The following ADGRD1 variants were observed in gnomAD, a reference collection of about 807,000 sequenced individuals.
ADGRD1 encodes adhesion G protein-coupled receptor D1, also known as G-protein coupled receptor 133.
ADGRD1 carries 77 observed loss-of-function variants against 113.4 expected under a neutral mutation model. That is an observed-to-expected ratio of 0.68 (90% CI 0.57 to 0.82). The LOEUF (loss-of-function observed/expected upper bound fraction) is 0.82. ADGRD1 is among the 40% of genes least tolerant of loss of function. The probability of loss-of-function intolerance (pLI) is 0.00; values close to 1 mark genes in which losing one functional copy is unlikely to be tolerated. For missense variants in ADGRD1, 1,036 were observed against 1,139.1 expected (o/e 0.91, Z 1.30); for synonymous variants, 474 against 475.0 (o/e 1.00, Z 0.03).
At chr12:131,070,698 G>A (rs1013630404) in intron 13 of ADGRD1, 4 of 425,604 alleles carry the variant, frequency 9.4e-6, no homozygotes, top group Admixed American at 4.7e-5. Flanking sequence ...CGGAGATGAG[G>A]GCGTGTCCAT....
chr12:131,003,234 G>A lies in ADGRD1; in HGVS notation c.1076G>A (p.Gly359Asp). The A allele has an allele frequency of 1.2e-6, 2 of 1,614,110 alleles. No individual in the cohort carries two copies. The highest frequency in any genetic ancestry group is 1.7e-6 in the Non-Finnish European group (2 of 1,180,012). The change falls in exon 10 of 25, where the codon GGC (glycine) becomes GAC (aspartate). Residue 359 changes from glycine (G) to aspartate (D), a missense_variant. Gly to Asp is a moderately conservative substitution (Grantham distance 94). Transcript: ENST00000261654. The surrounding 1 kb of genome is among the most constrained non-coding windows in gnomAD (Gnocchi z 4.8). ...ATCGACACTATTGACACCGTCATGG[G>A]CCATGTATCCTCCAACCTGCACGGC... is the stretch of plus-strand genomic sequence containing the variant. ...SLIDTIDTVM[G>D]HVSSNLHGST...
intron 13 of ADGRD1, 158 bp from the exon 14 acceptor site, chr12:131,076,643 T>C: frequency 1.5e-6 from 1 of 679,364 alleles, no homozygotes; most frequent in Non-Finnish European, 2.7e-6. Context: ...CCAGGTGATG[T>C]GGGACCACAC....
intron 13 of ADGRD1, among the ~76,000 whole-genome samples, chr12:131,042,758 T>C (rs1882267565): frequency 6.6e-6 from 1 of 152,246 alleles, no homozygotes; most frequent in African/African-American, 2.4e-5. Context: ...ACACAAAGGC[T>C]GTTCCTCCTG....
At chr12:131,014,435 A>C in intron 13 of ADGRD1, 95 bp downstream of exon 13, 1 of 1,195,914 alleles carries the variant, frequency 8.4e-7, no homozygotes, top group Non-Finnish European at 1.2e-6. Context: ...AAGAATCTCC[A>C]ACAGCCTTGG....
intron 15 of ADGRD1, among the ~76,000 whole-genome samples, chr12:131,098,651 C>G (rs1949999622): frequency 1.3e-5 from 2 of 152,302 alleles, no homozygotes; most frequent in South Asian, 4.1e-4. Context: ...GGGCCTTTCT[C>G]AGATCATGGC....
chr12:131,088,798 T>C (rs1237830205), intron 15 of ADGRD1, among the ~76,000 whole-genome samples: 1 of 152,168 alleles, frequency 6.6e-6, no homozygotes, highest in Non-Finnish European at 1.5e-5. Context: ...CATCTTCGAC[T>C]AAGAAAGCTG....
chr12:130,993,942 A>C (rs1406573535), intron 8 of ADGRD1: 1 of 163,486 alleles, frequency 6.1e-6, no homozygotes, highest in Non-Finnish European at 1.4e-5. Flanking sequence ...ACGGGTCGGG[A>C]GACTCCCTCC....
rs561614428 is a variant in ADGRD1, at chr12:131,019,572, GA to G, written c.1473+5235del. ...AGGAATGAGCGAAGCAGAGTCTTGG[GA>G]AATTTCAGAATTAGAATAAGCACCA... On this transcript the variant is annotated intron_variant, in intron 13 of 24. Transcript: ENST00000261654. 3.8e-4 allele frequency among the ~76,000 whole-genome samples: 58 copies of G among 152,334 alleles called. No homozygotes were observed. The East Asian group carries it at 0.011, about 29-fold the overall frequency.
At position 131,022,106 on chromosome 12, in the gene ADGRD1, T is replaced by C. The variant is rs1742389325; in HGVS notation, c.1473+7766T>C. On this transcript the variant is annotated intron_variant, in intron 13 of 24. Coordinates refer to ENST00000261654, the MANE Select transcript of ADGRD1 (RefSeq NM_198827.5). The surrounding 1 kb of genome is among the most constrained non-coding windows in gnomAD (Gnocchi z 4.6). ...CTTCAAAGACCCTGACTCCAAACAC[T>C]GTCACATTCTGAGGTCTTGGGGGTT... 6.6e-6 allele frequency among the ~76,000 whole-genome samples: 1 copy of C among 152,162 alleles called. No individual in the cohort carries two copies. Among genetic ancestry groups the C allele is most frequent in the Non-Finnish European group, 1.5e-5 (1 of 68,044 alleles).
intron 12 of ADGRD1, among the ~76,000 whole-genome samples, chr12:131,013,418 C>T (rs1878166580): frequency 6.6e-6 from 1 of 152,128 alleles, no homozygotes; most frequent in Admixed American, 6.5e-5. Flanking sequence ...CCTCGTGCCT[C>T]AGGGCATGAG....
intron 20 of ADGRD1, among the ~76,000 whole-genome samples, chr12:131,131,313 C>T (rs747103167): frequency 2.4e-4 from 37 of 152,228 alleles, no homozygotes; most frequent in Non-Finnish European, 8.8e-5. Flanking sequence ...GCTCCTGTGC[C>T]GGGGCCTGGC....
At chr12:131,139,013 C>A (rs1247898876) in intron 24 of ADGRD1, among the ~76,000 whole-genome samples, 155 bp from the exon 25 acceptor site, 1 of 152,196 alleles carries the variant, frequency 6.6e-6, no homozygotes, top group Non-Finnish European at 1.5e-5. Context: ...TCCTCATCTC[C>A]CCCAGGAGCA....
chr12:131,074,128 G>C (rs1286863517), intron 13 of ADGRD1, among the ~76,000 whole-genome samples: 1 of 152,136 alleles, frequency 6.6e-6, no homozygotes, highest in Non-Finnish European at 1.5e-5. Context: ...GGTGTACCTT[G>C]CTCATGAACA....
At chr12:131,110,473 A>G (rs1354563217) in intron 18 of ADGRD1, among the ~76,000 whole-genome samples, 4 of 152,116 alleles carry the variant, frequency 2.6e-5, no homozygotes, top group African/African-American at 4.8e-5. Flanking sequence ...TTATTTTTAT[A>G]TAGGCATATT....
intron 8 of ADGRD1, among the ~76,000 whole-genome samples, chr12:130,997,961 G>A (rs971292399): frequency 6.6e-5 from 10 of 152,200 alleles, no homozygotes; most frequent in African/African-American, 2.4e-4. Context: ...CCGCACCTCC[G>A]GAGGCTGAGG....
At chr12:131,054,486 G>A (rs1883675332) in intron 13 of ADGRD1, among the ~76,000 whole-genome samples, 1 of 152,210 alleles carries the variant, frequency 6.6e-6, no homozygotes, top group Admixed American at 6.5e-5. Flanking sequence ...GGACTAGCGA[G>A]CCAAGACCCT....
chr12:130,993,295 G>C (rs542710529), intron 8 of ADGRD1, among the ~76,000 whole-genome samples: 3 of 151,996 alleles, frequency 2.0e-5, no homozygotes, highest in South Asian at 4.2e-4. Flanking sequence ...ATGTGTTCAG[G>C]GACTTGAGAC....
At chr12:131,102,528 G>A (rs1174773647) in intron 15 of ADGRD1, among the ~76,000 whole-genome samples, 4 of 152,202 alleles carry the variant, frequency 2.6e-5, no homozygotes, top group South Asian at 2.1e-4. Flanking sequence ...GCCCCTGTTC[G>A]CCCACAGCGT....
intron 20 of ADGRD1, among the ~76,000 whole-genome samples, chr12:131,125,917 A>G (rs1413087433): frequency 2.6e-5 from 4 of 152,226 alleles, no homozygotes. Context: ...GTGAAAAACT[A>G]GTTGTATAGG....
Sources: gnomAD v4.1 joint callset for allele counts (sites outside exome capture counted in the v4.1 genomes callset) on GRCh38, gnomAD v4.1.1 for gene constraint, Gnocchi (gnomAD v3.1) non-coding constraint, MANE v1.5 for transcripts, NCBI Gene and HGNC (gene_info 2026-07-23, HGNC 2026-07-21) for gene names.